DBNL: variants seen among roughly 807,000 people sequenced by gnomAD.
DBNL encodes drebrin like.
Under a neutral mutation model 62.2 loss-of-function variants are expected in DBNL, and 35 were observed. The observed-to-expected ratio is 0.56, with a 90% confidence interval of 0.43 to 0.75. DBNL has a LOEUF of 0.75. Among genes scored for constraint, DBNL ranks in the 30% least tolerant of loss-of-function variants. The probability of loss-of-function intolerance (pLI) is 0.00; values close to 1 mark genes in which losing one functional copy is unlikely to be tolerated. For synonymous variants in DBNL, 197 were observed against 218.0 expected, an observed-to-expected ratio of 0.90 and a Z score of 0.85; for missense variants, 495 against 578.4, an observed-to-expected ratio of 0.86 and a Z score of 1.48.
Position 44,050,228 on chromosome 7 carries a change from T to C in DBNL, c.87T>C (p.Ala29=), listed in dbSNP as rs2096124172. ...GCTCACTTGTGTTTCGTTTCAGGGCTCTCTTTACCTATGAAGGCAACAGCA... is the reference window on the plus strand; with the variant it reads ...GCTCACTTGTGTTTCGTTTCAGGGCCCTCTTTACCTATGAAGGCAACAGCA... ...VVTEKSPTDW[A]LFTYEGNSND... Residue 29 remains alanine (A), a synonymous_variant, in exon 2 of 13, where the codon GCT becomes GCC. Transcript: ENST00000448521. 2 of 1,613,648 alleles carry C rather than the reference T, an allele frequency of 1.2e-6. No homozygotes were observed. Among genetic ancestry groups the C allele is most frequent in the Non-Finnish European group, 1.7e-6 (2 of 1,179,656 alleles).
chr7:44,064,389 C>T lies in DBNL; in HGVS notation c.*3473C>T, dbSNP rs925387914. 25 of 230,936 alleles carry T rather than the reference C, an allele frequency of 1.1e-4. No individual in the cohort carries two copies. Among genetic ancestry groups the T allele is most frequent in the Non-Finnish European group, 1.9e-4 (22 of 114,908 alleles). The allele number at this position is 230,936 out of a possible 1,614,324, so 14.3% of individuals were successfully genotyped here. A position where few individuals can be genotyped will look rare whatever the true frequency, so the allele number is the denominator to read the frequency against. The stretch of plus-strand genomic sequence containing the variant: ...GAGGACCTGATGGGGGAGGGCCCTG[C>T]GAGGGGTCCAAGCCTACATCAAGAG... On this transcript the variant is annotated 3_prime_UTR_variant, in exon 13 of 13. Transcript: ENST00000448521.
Position 44,064,797 on chromosome 7 carries a change from A to ACCCCCCCAGCCCCCGCGCCAGAAGGGGGG in DBNL, c.*3884_*3885insCCCCAGCCCCCGCGCCAGAAGGGGGGCCC. The stretch of plus-strand genomic sequence containing the variant: ...GAGAAGCCAGCTGGGGCTGCTGCCC[A>ACCCCCCCAGCCCCCGCGCCAGAAGGGGGG]CCCACCCTGCCCAGGCTCCTGAAGG... On this transcript the variant is annotated 3_prime_UTR_variant, in exon 13 of 13. Transcript: ENST00000448521. 1 of 633,308 alleles carries ACCCCCCCAGCCCCCGCGCCAGAAGGGGGG rather than the reference A, an allele frequency of 1.6e-6. No individual in the cohort carries two copies. Among genetic ancestry groups the ACCCCCCCAGCCCCCGCGCCAGAAGGGGGG allele is most frequent in the South Asian group, 1.5e-5 (1 of 68,316 alleles). The allele number at this position is 633,308 out of a possible 1,614,324, so 39.2% of individuals were successfully genotyped here. A position where few individuals can be genotyped will look rare whatever the true frequency, so the allele number is the denominator to read the frequency against.
Position 44,062,924 on chromosome 7 carries a change from G to A in DBNL, c.*2008G>A. The A allele has an allele frequency of 6.2e-7, 1 of 1,614,192 alleles. No homozygotes were observed. The highest frequency in any genetic ancestry group is 1.3e-5 in the African/African-American group (1 of 75,054). On this transcript the variant is annotated 3_prime_UTR_variant, in exon 13 of 13. Transcript: ENST00000448521. ...GTTCAGCTCCATGATCGCCTGGTCT[G>A]ACATCCCTATGCCGGAAGGAATAGG...
rs1180248038 is a variant in DBNL, at chr7:44,044,714, G to A, written c.-24G>A. 2 of 1,482,486 alleles carry A rather than the reference G, an allele frequency of 1.3e-6. No individual in the cohort carries two copies. The highest frequency in any genetic ancestry group is 2.8e-5 in the East Asian group (1 of 35,142). 91.8% of individuals were successfully genotyped at this position (1,482,486 alleles called of 1,614,324 possible). ...GGCCCGGCCCGGAAGCTACAGCAGC[G>A]GCGCGGAGACTGCGGGGCGGGCCAT... On this transcript the variant is annotated 5_prime_UTR_variant, in exon 1 of 13. Transcript: ENST00000448521.
At chr7:44,057,692 G>C in intron 5 of DBNL, 90 bp from the exon 6 acceptor site, 1 of 1,452,744 alleles carries the variant, frequency 6.9e-7, no homozygotes, top group Non-Finnish European at 9.6e-7. Context: ...CACCTGTGCT[G>C]TCGCAAGTTT....
intron 1 of DBNL, among the ~76,000 whole-genome samples, chr7:44,047,578 G>C (rs1025313647): frequency 6.6e-6 from 1 of 152,202 alleles, no homozygotes; most frequent in Non-Finnish European, 1.5e-5. Flanking sequence ...CCGTTAGAAA[G>C]TAAGTTCCAT....
chr7:44,049,510 C>T (rs943191416), intron 1 of DBNL, among the ~76,000 whole-genome samples: 1 of 152,200 alleles, frequency 6.6e-6, no homozygotes, highest in Non-Finnish European at 1.5e-5. Context: ...AGCCATGGCC[C>T]CATGTCACCC....
chr7:44,056,841 G>A lies in DBNL; in HGVS notation c.412G>A (p.Ala138Thr). Residue 138 changes from alanine (A) to threonine (T), a missense_variant, in exon 5 of 13, where the codon GCC becomes ACC. By Grantham distance (58) the Ala-to-Thr change is moderately conservative. Transcript: ENST00000448521. ...GGAGAAGGTGGCCAAGGCTTCAGGT[G>A]CCAACTACAGCTTTCACAAGGAGAG... Reference protein sequence around the residue: ...IMEKVAKASGANYSFHKESGR... With the variant: ...IMEKVAKASGTNYSFHKESGR... 6.2e-7 allele frequency: 1 copy of A among 1,614,166 alleles called. No homozygotes were observed. Among genetic ancestry groups the A allele is most frequent in the Non-Finnish European group, 8.5e-7 (1 of 1,180,022 alleles).
chr7:44,049,590 T>G (rs986686934), intron 1 of DBNL, among the ~76,000 whole-genome samples: 3 of 152,198 alleles, frequency 2.0e-5, no homozygotes, highest in Non-Finnish European at 2.9e-5. Flanking sequence ...GCTTGGCAGG[T>G]TCATGGCTTT....
Position 44,060,010 on chromosome 7 carries a change from G to A in DBNL, c.1048-38G>A. ...GGCAGAGCAGCGATTGTGTGTAAGG[G>A]CTGAGTCTGGGGTAACACCTTTGTC... is the stretch of plus-strand genomic sequence containing the variant. On this transcript the variant is annotated intron_variant, in intron 11 of 12. Coordinates refer to ENST00000448521, the MANE Select transcript of DBNL (RefSeq NM_001014436.3). The surrounding 1 kb of genome is among the most constrained non-coding windows in gnomAD (Gnocchi z 6.3). 1.3e-6 allele frequency: 2 copies of A among 1,593,210 alleles called. No homozygotes were observed. Among genetic ancestry groups the A allele is most frequent in the Non-Finnish European group, 1.7e-6 (2 of 1,164,610 alleles).
chr7:44,047,622 A>C (rs2096119646), intron 1 of DBNL, among the ~76,000 whole-genome samples: 1 of 152,194 alleles, frequency 6.6e-6, no homozygotes, highest in South Asian at 2.1e-4. Context: ...TCATAGCTGC[A>C]TTCCTGTAAC....
intron 3 of DBNL, 145 bp downstream of exon 3, chr7:44,052,087 A>G (rs1208033412): frequency 1.7e-5 from 11 of 658,548 alleles, no homozygotes; most frequent in Non-Finnish European, 2.6e-5. Context: ...AATGAGCAGA[A>G]TAGTTGACAG....
chr7:44,052,067 TG>T, intron 3 of DBNL, 125 bp downstream of exon 3: 2 of 737,352 alleles, frequency 2.7e-6, no homozygotes, highest in Non-Finnish European at 4.6e-6. Flanking sequence ...AGAACAGCTC[TG>T]AGCTGGTGAA....
rs985848108 is a variant in DBNL at position 44,062,631 on chromosome 7, A to C, written c.*1715A>C. ...CCTGCCCCTGGTGACACACGTATGGAGTGGGGGAGGGTGGGTGGCTGCACC... is the reference window on the plus strand; with the variant it reads ...CCTGCCCCTGGTGACACACGTATGGCGTGGGGGAGGGTGGGTGGCTGCACC... On this transcript the variant is annotated 3_prime_UTR_variant, in exon 13 of 13. Transcript: ENST00000448521. The C allele has an allele frequency of 1.2e-6, 1 of 863,968 alleles. No homozygotes were observed. Among genetic ancestry groups the C allele is most frequent in the Non-Finnish European group, 1.9e-6 (1 of 537,144 alleles). The allele number at this position is 863,968 out of a possible 1,614,324, so 53.5% of individuals were successfully genotyped here.
In DBNL at chr7:44,065,338, G is replaced by C. The variant is rs574780045; in HGVS notation, c.*4422G>C. 8 of 1,613,824 alleles carry C rather than the reference G, an allele frequency of 5.0e-6. No homozygotes were observed. In the Admixed American group the frequency reaches 8.3e-5, roughly 17 times the overall value. ...CGTCCAGGATGGCCCAGAGGGTGCG[G>C]ATGGCCCGCTTCAGCACTGACGTGT... On this transcript the variant is annotated 3_prime_UTR_variant, in exon 13 of 13. Coordinates refer to ENST00000448521, the MANE Select transcript of DBNL (RefSeq NM_001014436.3).
chr7:44,050,106 C>T (rs1038594889), intron 1 of DBNL, 119 bp from the exon 2 acceptor site: 4 of 1,160,668 alleles, frequency 3.4e-6, no homozygotes, highest in Non-Finnish European at 5.1e-6. Flanking sequence ...CCTGTGCCCA[C>T]CCACAGTGTT....
chr7:44,065,188 G>A lies in DBNL; in HGVS notation c.*4272G>A, dbSNP rs760297833. The A allele has an allele frequency of 8.1e-6, 13 of 1,613,978 alleles. No homozygotes were observed. In the Admixed American group the frequency reaches 2.0e-4, roughly 25 times the overall value. The stretch of plus-strand genomic sequence containing the variant: ...GCGGGATGTCGAAGGAGCGCCTCCA[G>A]ATCTTCACCTGCTCCTCCCCGTGCT... On this transcript the variant is annotated 3_prime_UTR_variant, in exon 13 of 13. Coordinates refer to ENST00000448521, the MANE Select transcript of DBNL (RefSeq NM_001014436.3).
chr7:44,051,531 T>G (rs569544991), intron 2 of DBNL: 131 of 245,932 alleles, frequency 5.3e-4, no homozygotes, highest in African/African-American at 2.8e-3. Flanking sequence ...GACCCTGTTT[T>G]TATTTCCAGA....
intron 1 of DBNL, among the ~76,000 whole-genome samples, chr7:44,048,642 T>C (rs776764810): frequency 1.4e-4 from 21 of 152,206 alleles, no homozygotes; most frequent in Non-Finnish European, 2.6e-4. Context: ...CCTGTCCGAC[T>C]GTTTATCCCT....
Sources: allele counts gnomAD v4.1 joint callset (sites outside exome capture counted in the v4.1 genomes callset), GRCh38; gene constraint gnomAD v4.1.1; non-coding constraint Gnocchi (gnomAD v3.1); transcripts MANE v1.5; gene names NCBI Gene and HGNC (gene_info 2026-07-23, HGNC 2026-07-21).